CAMKK2: variants seen among roughly 807,000 people sequenced by gnomAD.
CAMKK2 encodes the protein calcium/calmodulin dependent protein kinase kinase 2.
In CAMKK2, 30 loss-of-function variants were observed where a neutral mutation model predicts 67.2. The ratio of observed to expected loss-of-function variants is 0.45; its 90% CI spans 0.33 to 0.61. The LOEUF (loss-of-function observed/expected upper bound fraction) is 0.61, where lower values mean the gene tolerates loss of function less well. Among genes scored for constraint, CAMKK2 ranks in the 20% least tolerant of loss-of-function variants. The pLI, the probability that CAMKK2 is intolerant of heterozygous loss-of-function variation, is 0.02. For missense variants in CAMKK2, 643 were observed against 802.0 expected (o/e 0.80, Z 2.39); for synonymous variants, 322 against 326.2 (o/e 0.99, Z 0.14).
intron 5 of CAMKK2, among the ~76,000 whole-genome samples, chr12:121,268,002 A>G (rs1226150505): frequency 2.0e-5 from 3 of 148,464 alleles, no homozygotes; most frequent in Non-Finnish European, 4.5e-5. Flanking sequence ...CACTTAGCAT[A>G]ATGTCTTCAA....
In CAMKK2 at chr12:121,274,450, C is replaced by A. The variant is rs1156431686; in HGVS notation, c.77G>T (p.Ser26Ile). 6.2e-7 allele frequency: 1 copy of A among 1,613,082 alleles called. No homozygotes were observed. The highest frequency in any genetic ancestry group is 1.7e-5 in the Admixed American group (1 of 60,016). Reference sequence around the variant, plus strand: ...ACAGGGCTTCTGGCTTTCGCTGCTGCTGCTGCCCCTGCCCCCCAGCTCATC... The same window carrying A: ...ACAGGGCTTCTGGCTTTCGCTGCTGATGCTGCCCCTGCCCCCCAGCTCATC... Reference protein sequence around the residue: ...PQDELGGRGSSSSESQKPCEA... With the variant: ...PQDELGGRGSISSESQKPCEA... Residue 26 changes from serine to isoleucine, a missense_variant, in exon 2 of 17, where the codon AGC becomes ATC. By Grantham distance (142) the Ser-to-Ile change is moderately radical (BLOSUM62 -2). Transcript: ENST00000404169.
chr12:121,274,624 G>A (rs201370534), intron 1 of CAMKK2, 39 bp from the exon 2 acceptor site: 148 of 802,966 alleles, frequency 1.8e-4, no homozygotes, highest in Admixed American at 3.6e-4. Flanking sequence ...CAGCTCCTAC[G>A]GGCAGGGACA....
intron 1 of CAMKK2, among the ~76,000 whole-genome samples, chr12:121,280,672 C>T (rs1151887): frequency 0.027 from 4,055 of 152,156 alleles, 187 homozygotes; most frequent in African/African-American, 0.089. Context: ...TGGCACCCCC[C>T]GGGGCGTACC....
At chr12:121,266,559 C>T (rs1004175952) in intron 5 of CAMKK2, among the ~76,000 whole-genome samples, 4 of 149,982 alleles carry the variant, frequency 2.7e-5, no homozygotes, top group Non-Finnish European at 3.0e-5. Context: ...TGCAGTGGCG[C>T]GATCTCGGCT....
intron 7 of CAMKK2, 149 bp downstream of exon 7, chr12:121,260,170 G>A: frequency 1.6e-6 from 1 of 637,796 alleles, no homozygotes; most frequent in Non-Finnish European, 2.7e-6. Flanking sequence ...CCAACCAGGG[G>A]TGTGGCCTCC....
intron 5 of CAMKK2, among the ~76,000 whole-genome samples, chr12:121,264,328 T>C (rs1219045907): frequency 1.3e-5 from 2 of 152,206 alleles, no homozygotes; most frequent in Non-Finnish European, 2.9e-5. Flanking sequence ...TTAACTCTTA[T>C]CTCCTTAACT....
rs1566021159 is a variant in CAMKK2, at chr12:121,239,447, T to C, written c.*1252A>G. 1 of 152,260 alleles carries C rather than the reference T, an allele frequency of 6.6e-6. No individual in the cohort carries two copies. The highest frequency in any genetic ancestry group is 1.5e-5 in the Non-Finnish European group (1 of 68,050). 9.4% of individuals were successfully genotyped at this position (152,260 alleles called of 1,614,324 possible). ...AAGGGGAACTTCCTGTGCCAAGCCC[T>C]GGTTTCCTCATACCCCAACGAGTGC... On this transcript the variant is annotated 3_prime_UTR_variant, in exon 17 of 17. Coordinates refer to ENST00000404169, the MANE Select transcript of CAMKK2 (RefSeq NM_001270485.2).
In CAMKK2 at chr12:121,263,825, T is replaced by C. The variant is rs767021876; in HGVS notation, c.740A>G (p.Asn247Ser). The change falls in exon 6 of 17, where the codon AAT becomes AGT. Residue 247 changes from asparagine to serine, a missense_variant. Asn to Ser is a conservative substitution (Grantham distance 46, BLOSUM62 1). Around this residue, in one of 3 missense-constraint regions of CAMKK2, gnomAD observed 483 missense variants for 625.8 expected, o/e 0.77. Transcript: ENST00000404169. ...TTTTACCTCCACCAGCTTCACCACA[T>C]TGGGGTGGTCCAGCTTCTTGAGGAT... ...IAILKKLDHP[N>S]VVKLVEVLDD... 5.0e-6 allele frequency: 8 copies of C among 1,611,526 alleles called. No homozygotes were observed. Among genetic ancestry groups the C allele is most frequent in the South Asian group, 1.1e-5 (1 of 90,876 alleles).
rs988057649 is a variant in CAMKK2 at position 121,258,258 on chromosome 12, A to G, written c.796+2061T>C. The stretch of plus-strand genomic sequence containing the variant: ...AGGTTGGTCTCGAACTCCTGACCTC[A>G]GGGGATCCACCTGCCTTGGCCTCCC... On this transcript the variant is annotated intron_variant, in intron 7 of 16. Coordinates refer to ENST00000404169, the MANE Select transcript of CAMKK2 (RefSeq NM_001270485.2). 4.6e-5 allele frequency among the ~76,000 whole-genome samples: 7 copies of G among 152,138 alleles called. No individual in the cohort carries two copies. The East Asian group carries it at 1.3e-3, about 29-fold the overall frequency.
chr12:121,241,835 G>A (rs768038083), intron 16 of CAMKK2, among the ~76,000 whole-genome samples: 3 of 152,260 alleles, frequency 2.0e-5, no homozygotes, highest in Non-Finnish European at 4.4e-5. Context: ...GTTGCCTGTT[G>A]GTAGGGGTTG....
At chr12:121,261,164 G>A (rs935750001) in intron 6 of CAMKK2, among the ~76,000 whole-genome samples, 13 of 152,028 alleles carry the variant, frequency 8.6e-5, no homozygotes, top group South Asian at 2.1e-4. Flanking sequence ...TGATTTCCTC[G>A]GTGGCGTCCT....
At chr12:121,243,130 T>C (rs1206364828) in intron 16 of CAMKK2, among the ~76,000 whole-genome samples, 1 of 151,340 alleles carries the variant, frequency 6.6e-6, no homozygotes, top group East Asian at 1.9e-4. Flanking sequence ...ACCTCCTGGG[T>C]TCAAGTGATT....
rs889263971 is a variant in CAMKK2 at position 121,245,330 on chromosome 12, G to C, written c.1453-90C>G. 12 of 798,204 alleles carry C rather than the reference G, an allele frequency of 1.5e-5. 1 individual carries two copies. Among genetic ancestry groups the C allele is most frequent in the African/African-American group, 1.4e-4 (8 of 58,730 alleles). The allele number at this position is 798,204 out of a possible 1,614,324, so 49.4% of individuals were successfully genotyped here. A position where few individuals can be genotyped will look rare whatever the true frequency, so the allele number is the denominator to read the frequency against. On this transcript the variant is annotated intron_variant, in intron 14 of 16. Transcript: ENST00000404169. This position sits in a 1 kb window ranked among gnomAD's most constrained non-coding sequence, Gnocchi z 5.8. ...ACATCCTCCCTCTTCCTTCTCCCCA[G>C]CCCCTGCCAGCTCCCAGGGCTGGTG...
rs747254221 is a variant in CAMKK2 at position 121,274,490 on chromosome 12, G to A, written c.37C>T (p.Arg13Trp). Residue 13 changes from arginine to tryptophan, a missense_variant, in exon 2 of 17, where the codon CGG (arginine) becomes TGG (tryptophan). Physicochemically the swap from Arg to Trp is moderately radical, Grantham distance 101. Coordinates refer to ENST00000404169, the MANE Select transcript of CAMKK2 (RefSeq NM_001270485.2). ...SCVSSQPSSN[R>W]AAPQDELGGR... is the part of the protein sequence containing the mutation. ...CCCAGCTCATCCTGGGGGGCGGCCC[G>A]GTTGCTGCTGGGCTGGCTAGAGACA... 93 of 1,612,310 alleles carry A rather than the reference G, an allele frequency of 5.8e-5. No homozygotes were observed. The East Asian group carries it at 6.9e-4, about 12-fold the overall frequency.
chr12:121,249,715 G>A (rs762516119), intron 13 of CAMKK2, 72 bp downstream of exon 13: 1 of 1,208,304 alleles, frequency 8.3e-7, no homozygotes, highest in African/African-American at 1.5e-5. Flanking sequence ...GGACACAAGG[G>A]TGTGGGGTCT....
chr12:121,240,952 C>G lies in CAMKK2; in HGVS notation c.1597-83G>C. 1.4e-6 allele frequency: 2 copies of G among 1,458,906 alleles called. No individual in the cohort carries two copies. The highest frequency in any genetic ancestry group is 1.9e-6 in the Non-Finnish European group (2 of 1,065,484). 90.4% of individuals were successfully genotyped at this position (1,458,906 alleles called of 1,614,324 possible). On this transcript the variant is annotated intron_variant, in intron 16 of 16. Coordinates refer to ENST00000404169, the MANE Select transcript of CAMKK2 (RefSeq NM_001270485.2). The surrounding 1 kb of genome is among the most constrained non-coding windows in gnomAD (Gnocchi z 4.4). ...AGCCAGCTGCTCCCACATCTGGGCC[C>G]CCTGCCCAAGTGGGCCGTCGCGCAC... is the stretch of plus-strand genomic sequence containing the variant.
In CAMKK2 at chr12:121,248,644, C is replaced by T. The variant is rs1421000257; in HGVS notation, c.1414G>A (p.Glu472Lys). Residue 472 changes from glutamate (E) to lysine (K), a missense_variant, in exon 14 of 17, where the codon GAG becomes AAG. Transcript: ENST00000404169. Reference protein sequence around the residue: ...TLVEVTEEEVENSVKHIPSLA... With the variant: ...TLVEVTEEEVKNSVKHIPSLA... ...CTGGGAATGTGTTTGACTGAGTTCT[C>T]GACCTCCTCTTCAGTCACTTCGACC... 1.9e-6 allele frequency: 3 copies of T among 1,614,226 alleles called. No homozygotes were observed. Among genetic ancestry groups the T allele is most frequent in the Non-Finnish European group, 2.5e-6 (3 of 1,180,024 alleles).
chr12:121,291,940 C>T (rs1001675551), intron 1 of CAMKK2, among the ~76,000 whole-genome samples: 2 of 151,784 alleles, frequency 1.3e-5, no homozygotes, highest in African/African-American at 4.8e-5. Flanking sequence ...CCTGTAATCC[C>T]AGCTCCTTGG....
At chr12:121,257,707 G>A (rs1262433396) in intron 7 of CAMKK2, among the ~76,000 whole-genome samples, 2 of 152,086 alleles carry the variant, frequency 1.3e-5, no homozygotes, top group Admixed American at 1.3e-4. Context: ...GTGTGAGTTA[G>A]GGCAGATTTG....
Sources: allele counts gnomAD v4.1 joint callset (sites outside exome capture counted in the v4.1 genomes callset), GRCh38; gene constraint gnomAD v4.1.1; regional missense constraint gnomAD v4.1.1; non-coding constraint Gnocchi (gnomAD v3.1); transcripts MANE v1.5; gene names NCBI Gene and HGNC (gene_info 2026-07-23, HGNC 2026-07-21).